The following CSMD1 variants were observed in gnomAD, a reference collection of about 807,000 sequenced individuals.
CSMD1 encodes the protein CUB and sushi domain-containing protein 1.
CSMD1 carries 213 observed loss-of-function variants against 417.5 expected under a neutral mutation model. The observed-to-expected ratio is 0.51, with a 90% CI of 0.46 to 0.57. CSMD1 has a LOEUF of 0.57. Ranked by LOEUF, CSMD1 falls within the 20% of genes least tolerant of loss-of-function variation. The pLI is 0.00. For missense variants in CSMD1, 6,923 were observed against 4,529.7 expected, an observed-to-expected ratio of 1.53 and a Z score of -15.17; for synonymous variants, 2,862 against 1,736.8, an observed-to-expected ratio of 1.65 and a Z score of -16.11.
At chr8:4,702,505 G>A (rs1431864248) in intron 1 of CSMD1, among the ~76,000 whole-genome samples, 2 of 152,024 alleles carry the variant, frequency 1.3e-5, no homozygotes, top group East Asian at 1.9e-4. Context: ...TAATAACAGG[G>A]AAAATAAAAA....
intron 1 of CSMD1, among the ~76,000 whole-genome samples, chr8:4,802,172 G>T (rs918923885): frequency 1.3e-5 from 2 of 152,188 alleles, no homozygotes; most frequent in South Asian, 4.1e-4. Flanking sequence ...AACTCATTTA[G>T]ATTAGTTATG....
intron 1 of CSMD1, among the ~76,000 whole-genome samples, chr8:4,678,546 T>G (rs1211170526): frequency 6.6e-6 from 1 of 152,216 alleles, no homozygotes; most frequent in African/African-American, 2.4e-5. Context: ...CAGCAATAAT[T>G]CTGCTTTTTG....
At chr8:3,296,537 G>A (rs930843559) in intron 25 of CSMD1, among the ~76,000 whole-genome samples, 1 of 152,128 alleles carries the variant, frequency 6.6e-6, no homozygotes, top group Non-Finnish European at 1.5e-5. Context: ...TTAAAGAACT[G>A]GCCGTGCTTG....
At chr8:3,639,570 C>G (rs948448144) in intron 7 of CSMD1, among the ~76,000 whole-genome samples, 1 of 152,122 alleles carries the variant, frequency 6.6e-6, no homozygotes, top group East Asian at 1.9e-4. Context: ...TCAACCAGAC[C>G]ATCCAGAAGA....
chr8:3,641,580 T>A (rs74963462), intron 7 of CSMD1, among the ~76,000 whole-genome samples: 2,585 of 152,292 alleles, frequency 0.017, 42 homozygotes, highest in South Asian at 0.048. Flanking sequence ...TCAGAAATCA[T>A]GATTTATGCT....
At chr8:3,846,709 G>T (rs2129097237) in intron 5 of CSMD1, among the ~76,000 whole-genome samples, 1 of 152,220 alleles carries the variant, frequency 6.6e-6, no homozygotes, top group African/African-American at 2.4e-5. Flanking sequence ...CCAGGCTGGA[G>T]TGCAGTGGTG....
At chr8:3,272,464 G>A (rs1398648281) in intron 26 of CSMD1, among the ~76,000 whole-genome samples, 4 of 149,114 alleles carry the variant, frequency 2.7e-5, no homozygotes, top group African/African-American at 9.9e-5. Context: ...CCAATTCTGG[G>A]AAGAAAGTCA....
At chr8:4,826,108 A>G (rs2117412174) in intron 1 of CSMD1, among the ~76,000 whole-genome samples, 1 of 152,222 alleles carries the variant, frequency 6.6e-6, no homozygotes, top group East Asian at 1.9e-4. Context: ...TTGAATTACC[A>G]CATGATTCAG....
chr8:3,177,139 T>C (rs1820984925), intron 37 of CSMD1, among the ~76,000 whole-genome samples: 1 of 152,094 alleles, frequency 6.6e-6, no homozygotes, highest in African/African-American at 2.4e-5. Context: ...ATGCTACGTG[T>C]GAAGCAAAAC....
intron 25 of CSMD1, among the ~76,000 whole-genome samples, chr8:3,302,320 TATCTCCATCGTTCTCATCACAGC>T (rs1804477377): frequency 6.6e-6 from 1 of 152,184 alleles, no homozygotes; most frequent in East Asian, 1.9e-4. Flanking sequence ...TCTTCTGGAA[TATCTCCATCGTTCTCATCACAGC>T]ATCTCCTCCC....
intron 26 of CSMD1, among the ~76,000 whole-genome samples, chr8:3,255,893 C>T (rs1014258626): frequency 6.6e-6 from 1 of 152,180 alleles, no homozygotes; most frequent in Non-Finnish European, 1.5e-5. Flanking sequence ...CTTTCCGACA[C>T]TCGCCAGTGA....
At chr8:3,725,561 A>G (rs2129045898) in intron 6 of CSMD1, among the ~76,000 whole-genome samples, 2 of 152,214 alleles carry the variant, frequency 1.3e-5, no homozygotes, top group South Asian at 2.1e-4. Context: ...TGCTTGTATT[A>G]AGTAGAAACA....
intron 3 of CSMD1, among the ~76,000 whole-genome samples, chr8:4,201,540 C>CAAAAAAAAAAAAAAAAAAAAAAAA (rs1157479482): frequency 1.7e-5 from 1 of 59,030 alleles, no homozygotes; most frequent in Non-Finnish European, 2.8e-5. Context: ...TCTGTCTCCA[C>CAAAAAAAAAAAAAAAAAAAAAAAA]AAAAAAAAAA....
intron 52 of CSMD1, among the ~76,000 whole-genome samples, chr8:3,006,115 T>C (rs1450598444): frequency 2.0e-5 from 3 of 150,808 alleles, no homozygotes; most frequent in Non-Finnish European, 4.5e-5. Flanking sequence ...ACAAGCATTC[T>C]TATACACCAA....
chr8:3,268,954 A>T (rs929127087), intron 26 of CSMD1, among the ~76,000 whole-genome samples: 1 of 152,222 alleles, frequency 6.6e-6, no homozygotes, highest in East Asian at 1.9e-4. Flanking sequence ...CTGATATTCT[A>T]TTGAGTAATA....
At chr8:3,825,192 T>A (rs1404415983) in intron 5 of CSMD1, among the ~76,000 whole-genome samples, 1 of 152,070 alleles carries the variant, frequency 6.6e-6, no homozygotes, top group African/African-American at 2.4e-5. Context: ...GCGTGCTGAT[T>A]CCCTGAAGGA....
intron 12 of CSMD1, among the ~76,000 whole-genome samples, chr8:3,448,028 G>A (rs1001909408): frequency 6.6e-6 from 1 of 151,910 alleles, no homozygotes; most frequent in Non-Finnish European, 1.5e-5. Context: ...CCTAACCCTG[G>A]ATACAAACAA....
At chr8:2,953,105 AAAAC>A (rs1563175806) in intron 65 of CSMD1, among the ~76,000 whole-genome samples, 1 of 152,194 alleles carries the variant, frequency 6.6e-6, no homozygotes, top group Non-Finnish European at 1.5e-5. Context: ...AAGCAAATAA[AAAAC>A]AAAACACACA....
At chr8:4,678,060 C>G (rs974001535) in intron 1 of CSMD1, among the ~76,000 whole-genome samples, 1 of 152,058 alleles carries the variant, frequency 6.6e-6, no homozygotes, top group African/African-American at 2.4e-5. Flanking sequence ...CACATGGACA[C>G]ACACCCACAT....
Sources: gnomAD v4.1 joint callset for allele counts (sites outside exome capture counted in the v4.1 genomes callset) on GRCh38, gnomAD v4.1.1 for gene constraint, MANE v1.5 for transcripts, NCBI Gene and HGNC (gene_info 2026-07-23, HGNC 2026-07-21) for gene names.